The following KLHL14 variants were observed in gnomAD, a reference collection of about 807,000 sequenced individuals.
KLHL14 encodes the protein kelch like family member 14.
KLHL14 carries 22 observed loss-of-function variants against 64.3 expected under a neutral mutation model. The observed-to-expected ratio is 0.34, with a 90% CI of 0.24 to 0.49. The LOEUF is 0.49. KLHL14 is among the 20% of genes least tolerant of loss of function. The pLI is 0.99. For synonymous variants in KLHL14, 322 were observed against 333.4 expected, an observed-to-expected ratio of 0.97 and a Z score of 0.37; for missense variants, 661 against 789.0, an observed-to-expected ratio of 0.84 and a Z score of 1.94.
intron 4 of KLHL14, among the ~76,000 whole-genome samples, chr18:32,693,564 T>C (rs1418992945): frequency 1.3e-5 from 2 of 152,030 alleles, no homozygotes; most frequent in East Asian, 3.9e-4. Context: ...AGAGACACAA[T>C]AGTCACATCG....
intron 3 of KLHL14, among the ~76,000 whole-genome samples, chr18:32,715,455 C>T (rs2050040595): frequency 1.3e-5 from 2 of 152,026 alleles, no homozygotes; most frequent in African/African-American, 4.8e-5. Context: ...TTCCTCCTTA[C>T]CTTAAAGAGG....
intron 5 of KLHL14, among the ~76,000 whole-genome samples, chr18:32,685,181 G>A (rs537811548): frequency 1.3e-5 from 2 of 152,290 alleles, no homozygotes; most frequent in African/African-American, 4.8e-5. Flanking sequence ...AGGTCAATGA[G>A]CTGCTAAAAA....
rs189148563 is a variant in KLHL14, at chr18:32,712,020, G to C, written c.1070-16468C>G. ...ATTAATTATCCTATTCTCTCAGATC[G>C]AGGGGCTAATGGGCCTAAACTGGCC... On this transcript the variant is annotated intron_variant, in intron 3 of 8. Coordinates refer to ENST00000359358, the MANE Select transcript of KLHL14 (RefSeq NM_020805.3). 4.3e-3 allele frequency among the ~76,000 whole-genome samples: 662 copies of C among 152,206 alleles called. 5 individuals carry two copies. The highest frequency in any genetic ancestry group is 0.024 in the South Asian group (114 of 4,814).
At position 32,679,172 on chromosome 18, in the gene KLHL14, G is replaced by A. The variant is rs371221954; in HGVS notation, c.1588+997C>T. 6.6e-5 allele frequency among the ~76,000 whole-genome samples: 10 copies of A among 152,234 alleles called. No individual in the cohort carries two copies. The South Asian group carries it at 1.7e-3, about 25-fold the overall frequency. On this transcript the variant is annotated intron_variant, in intron 7 of 8. Transcript: ENST00000359358. ...TGGCATTTCTGAACATGAACTTGACGAATGAACATGAACTTGGAACTATCT... is the reference window on the plus strand; with the variant it reads ...TGGCATTTCTGAACATGAACTTGACAAATGAACATGAACTTGGAACTATCT...
intron 2 of KLHL14, among the ~76,000 whole-genome samples, chr18:32,755,027 T>C (rs2050274782): frequency 6.6e-6 from 1 of 152,020 alleles, no homozygotes; most frequent in African/African-American, 2.4e-5. Flanking sequence ...GTGTGGCTTG[T>C]GGAATCCTGC....
At chr18:32,691,734 C>G (rs1394398394) in intron 4 of KLHL14, among the ~76,000 whole-genome samples, 1 of 152,102 alleles carries the variant, frequency 6.6e-6, no homozygotes, top group African/African-American at 2.4e-5. Context: ...GAGATGCTAC[C>G]AGCAGCTTGA....
intron 3 of KLHL14, among the ~76,000 whole-genome samples, chr18:32,696,345 T>C (rs1485522199): frequency 1.3e-5 from 2 of 152,196 alleles, no homozygotes; most frequent in East Asian, 3.9e-4. Context: ...TACATTTCCT[T>C]TGGGGAGACA....
intron 2 of KLHL14, among the ~76,000 whole-genome samples, chr18:32,746,409 G>T (rs922371774): frequency 6.6e-6 from 1 of 152,096 alleles, no homozygotes; most frequent in Non-Finnish European, 1.5e-5. Flanking sequence ...GAGTGCTGGC[G>T]TGCATACATA....
rs989934314 is a variant in KLHL14, at chr18:32,712,318, A to T, written c.1070-16766T>A. Among the ~76,000 whole-genome samples, 5 of 152,328 alleles carry T rather than the reference A, an allele frequency of 3.3e-5. No individual in the cohort carries two copies. The South Asian group carries it at 1.0e-3, about 32-fold the overall frequency. ...CTTTTAGCTGATAACCTTGTTTTCT[A>T]TTTCACTAAGAAAATATAAACATTT... On this transcript the variant is annotated intron_variant, in intron 3 of 8. Coordinates refer to ENST00000359358, the MANE Select transcript of KLHL14 (RefSeq NM_020805.3).
chr18:32,707,435 C>T (rs985670581), intron 3 of KLHL14, among the ~76,000 whole-genome samples: 4 of 152,224 alleles, frequency 2.6e-5, no homozygotes, highest in Admixed American at 2.6e-4. Context: ...TCAGAAAGGG[C>T]CGCCTGCAAA....
At chr18:32,688,912 G>A (rs1189285404) in intron 4 of KLHL14, among the ~76,000 whole-genome samples, 1 of 152,168 alleles carries the variant, frequency 6.6e-6, no homozygotes, top group African/African-American at 2.4e-5. Flanking sequence ...TGAAGGTGGA[G>A]GTGGTGAGAA....
At chr18:32,749,091 T>C (rs931907987) in intron 2 of KLHL14, among the ~76,000 whole-genome samples, 2 of 152,054 alleles carry the variant, frequency 1.3e-5, no homozygotes, top group African/African-American at 4.8e-5. Context: ...TAATAAAGAG[T>C]TGTACTTCAA....
At chr18:32,760,480 T>A (rs2050308780) in intron 2 of KLHL14, among the ~76,000 whole-genome samples, 1 of 152,200 alleles carries the variant, frequency 6.6e-6, no homozygotes, top group African/African-American at 2.4e-5. Flanking sequence ...CCTCTCCATT[T>A]CACTGGCCTC....
intron 3 of KLHL14, among the ~76,000 whole-genome samples, chr18:32,703,519 C>T (rs1242818855): frequency 6.6e-6 from 1 of 152,126 alleles, no homozygotes; most frequent in East Asian, 1.9e-4. Context: ...CAAAGGCTGG[C>T]CATATATTAT....
At chr18:32,716,611 G>T (rs962995553) in intron 3 of KLHL14, among the ~76,000 whole-genome samples, 1 of 152,054 alleles carries the variant, frequency 6.6e-6, no homozygotes, top group Admixed American at 6.6e-5. Flanking sequence ...TAGAGATGGG[G>T]TTTTGCCATG....
chr18:32,735,678 A>G (rs2050162529), intron 3 of KLHL14, among the ~76,000 whole-genome samples: 1 of 152,114 alleles, frequency 6.6e-6, no homozygotes, highest in Admixed American at 6.6e-5. Flanking sequence ...GCCAGATCTT[A>G]TATATTTTAT....
intron 7 of KLHL14, among the ~76,000 whole-genome samples, chr18:32,677,554 GC>G (rs1391973988): frequency 6.6e-6 from 1 of 152,182 alleles, no homozygotes; most frequent in Admixed American, 6.5e-5. Flanking sequence ...GAATGCCTGA[GC>G]AGATGTCATT....
intron 3 of KLHL14, among the ~76,000 whole-genome samples, chr18:32,736,725 C>G (rs2050168264): frequency 6.6e-6 from 1 of 152,056 alleles, no homozygotes; most frequent in African/African-American, 2.4e-5. Context: ...TATACTCCCT[C>G]TTGTCTTTTG....
chr18:32,764,832 C>T (rs1278610369), intron 2 of KLHL14, among the ~76,000 whole-genome samples: 1 of 152,064 alleles, frequency 6.6e-6, no homozygotes, highest in Non-Finnish European at 1.5e-5. Context: ...CACTGTGTTG[C>T]TTTTTATAGA....
Sources: gnomAD v4.1 joint callset for allele counts (sites outside exome capture counted in the v4.1 genomes callset) on GRCh38, gnomAD v4.1.1 for gene constraint, MANE v1.5 for transcripts, NCBI Gene and HGNC (gene_info 2026-07-23, HGNC 2026-07-21) for gene names.